Variants in TLK1 observed in about 807,000 individuals in gnomAD.
TLK1 encodes the protein serine/threonine-protein kinase tousled-like 1.
In TLK1, 24 loss-of-function variants were observed where a neutral mutation model predicts 105.3. The ratio of observed to expected loss-of-function variants is 0.23; its 90% CI spans 0.17 to 0.32. The LOEUF is 0.32. Ranked by LOEUF, TLK1 falls within the 10% of genes least tolerant of loss-of-function variation. TLK1 has a pLI of 1.00. For missense variants in TLK1, 558 were observed against 910.5 expected (o/e 0.61, Z 4.98); for synonymous variants, 321 against 310.4 (o/e 1.03, Z -0.36).
At chr2:171,011,187 G>C (rs1684898809) in intron 14 of TLK1, among the ~76,000 whole-genome samples, 186 bp downstream of exon 14, 1 of 151,778 alleles carries the variant, frequency 6.6e-6, no homozygotes, top group Admixed American at 6.6e-5. Context: ...TTTAAGTAGA[G>C]ACAAGGTCTC....
intron 8 of TLK1, among the ~76,000 whole-genome samples, chr2:171,051,856 A>C (rs1032050167): frequency 6.6e-6 from 1 of 152,236 alleles, no homozygotes; most frequent in Non-Finnish European, 1.5e-5. Flanking sequence ...AGCTGGCAGT[A>C]TAAGAATGAG....
Position 170,993,767 on chromosome 2 carries a change from T to G in TLK1, c.*13A>C, listed in dbSNP as rs1351621326. ...AGCAAATTCAAAGATATCATGCCAA[T>G]CTTGGAGGAAAGTCAGTAAGTAATT... On this transcript the variant is annotated 3_prime_UTR_variant, in exon 21 of 21. Transcript: ENST00000431350. 3 of 1,541,136 alleles carry G rather than the reference T, an allele frequency of 1.9e-6. No homozygotes were observed. Among genetic ancestry groups the G allele is most frequent in the Non-Finnish European group, 2.6e-6 (3 of 1,141,056 alleles).
rs756551551 is a variant in TLK1 at position 171,060,004 on chromosome 2, A to G, written c.406+1077T>C. 1.1e-5 allele frequency: 17 copies of G among 1,612,290 alleles called. No homozygotes were observed. The South Asian group carries it at 1.9e-4, about 18-fold the overall frequency. ...GGGGAACCCTGCAGAAGATGAGAGG[A>G]GAGGTCTGCTTTGGACTTGAAGTCA... On this transcript the variant is annotated intron_variant, in intron 4 of 20. Transcript: ENST00000431350.
intron 12 of TLK1, chr2:171,023,011 A>T (rs1434932043): frequency 2.1e-6 from 1 of 469,088 alleles, no homozygotes; most frequent in Non-Finnish European, 4.4e-6. Context: ...TAAAGATTTC[A>T]TCATGGAAGA....
intron 3 of TLK1, among the ~76,000 whole-genome samples, chr2:171,064,341 T>C (rs564955858): frequency 4.7e-4 from 72 of 152,296 alleles, no homozygotes; most frequent in Non-Finnish European, 3.4e-4. Flanking sequence ...TCTCCTATTT[T>C]AATATTGAGA....
At chr2:171,096,526 GC>G (rs1235688038) in intron 2 of TLK1, among the ~76,000 whole-genome samples, 1 of 152,030 alleles carries the variant, frequency 6.6e-6, no homozygotes, top group Non-Finnish European at 1.5e-5. Context: ...GGAGGCCAAG[GC>G]AGGTGGATCA....
chr2:171,185,236 C>T (rs1172110907), intron 1 of TLK1, among the ~76,000 whole-genome samples: 1 of 151,742 alleles, frequency 6.6e-6, no homozygotes, highest in East Asian at 1.9e-4. Flanking sequence ...TTTGGGACCT[C>T]ATCATTTCTC....
chr2:171,206,429 T>C (rs553267204), intron 1 of TLK1, among the ~76,000 whole-genome samples: 5 of 152,148 alleles, frequency 3.3e-5, no homozygotes, highest in African/African-American at 9.6e-5. Context: ...GGTAGAAAGG[T>C]GATGGATTAG....
intron 1 of TLK1, among the ~76,000 whole-genome samples, chr2:171,168,099 C>T (rs1692642981): frequency 6.6e-6 from 1 of 151,924 alleles, no homozygotes; most frequent in Non-Finnish European, 1.5e-5. Context: ...ATTGTTTCTG[C>T]AGCATAAATT....
chr2:171,052,106 A>C (rs1329259690), intron 8 of TLK1, among the ~76,000 whole-genome samples: 2 of 152,142 alleles, frequency 1.3e-5, no homozygotes, highest in African/African-American at 4.8e-5. Context: ...CAAAATAAAA[A>C]AAAATCAGCC....
At chr2:171,073,886 C>A (rs1688377803) in intron 3 of TLK1, among the ~76,000 whole-genome samples, 1 of 124,018 alleles carries the variant, frequency 8.1e-6, no homozygotes, top group African/African-American at 2.8e-5. Context: ...CCCCCCCCTC[C>A]TTTTTTTTTC....
At chr2:171,082,641 G>C (rs1359637179) in intron 3 of TLK1, 140 bp downstream of exon 3, 3 of 694,610 alleles carry the variant, frequency 4.3e-6, no homozygotes, top group Non-Finnish European at 7.5e-6. Context: ...TGCTTCATAA[G>C]GCAGAACAAA....
chr2:171,121,407 C>G (rs1042097851), intron 1 of TLK1, among the ~76,000 whole-genome samples: 5 of 152,066 alleles, frequency 3.3e-5, no homozygotes, highest in African/African-American at 9.7e-5. Context: ...CAGTGAGCAT[C>G]TGTAATTCCA....
chr2:171,101,365 A>AAAAAAAAG (rs1324905569), intron 2 of TLK1, among the ~76,000 whole-genome samples: 1 of 149,262 alleles, frequency 6.7e-6, no homozygotes, highest in African/African-American at 2.5e-5. Context: ...AAAAAAAAAA[A>AAAAAAAAG]GCCAGGCACA....
chr2:171,114,964 C>T (rs1186040249), intron 2 of TLK1, among the ~76,000 whole-genome samples: 1 of 152,188 alleles, frequency 6.6e-6, no homozygotes, highest in Non-Finnish European at 1.5e-5. Context: ...TAACAGACTT[C>T]TAACCTACAA....
At chr2:171,084,465 A>G (rs930035) in intron 2 of TLK1, among the ~76,000 whole-genome samples, 71,872 of 152,010 alleles carry the variant, frequency 0.47, 19,214 homozygotes, top group African/African-American at 0.74. Context: ...GGGAGGGAAC[A>G]CAGCCTAGCA....
intron 3 of TLK1, among the ~76,000 whole-genome samples, chr2:171,079,796 A>G (rs1688668817): frequency 6.6e-6 from 1 of 152,232 alleles, no homozygotes; most frequent in Non-Finnish European, 1.5e-5. Context: ...TAGTAAGGGT[A>G]GAAGAAAACA....
chr2:171,053,731 T>C, intron 8 of TLK1, 30 bp downstream of exon 8: 1 of 1,493,092 alleles, frequency 6.7e-7, no homozygotes. Flanking sequence ...ATTTATTCAA[T>C]TTTTTTCCCC....
At chr2:171,010,903 G>C (rs576489488) in intron 14 of TLK1, among the ~76,000 whole-genome samples, 1 of 152,182 alleles carries the variant, frequency 6.6e-6, no homozygotes, top group African/African-American at 2.4e-5. Flanking sequence ...GGACTGTGCA[G>C]GTGGCAAGGA....
Sources: allele counts gnomAD v4.1 joint callset (sites outside exome capture counted in the v4.1 genomes callset), GRCh38; gene constraint gnomAD v4.1.1; transcripts MANE v1.5; gene names NCBI Gene and HGNC (gene_info 2026-07-23, HGNC 2026-07-21).